CCNH: variants seen among roughly 807,000 people sequenced by gnomAD.
The protein encoded by CCNH is cyclin-H.
In CCNH, 31 loss-of-function variants were observed where a neutral mutation model predicts 41.9. That is an observed-to-expected ratio of 0.74 (90% CI 0.56 to 1.00). The LOEUF (loss-of-function observed/expected upper bound fraction) is 1.00. CCNH is among the 50% of genes least tolerant of loss of function. CCNH has a pLI of 0.00. For missense variants in CCNH, 362 were observed against 388.4 expected (o/e 0.93, Z 0.57); for synonymous variants, 138 against 136.1 (o/e 1.01, Z -0.10).
chr5:87,323,475 G>T (rs955687914), intron 9 of CCNH, among the ~76,000 whole-genome samples: 3 of 152,156 alleles, frequency 2.0e-5, no homozygotes, highest in Non-Finnish European at 4.4e-5. Context: ...GATACCAGAT[G>T]AAAGGACAGA....
intron 9 of CCNH, chr5:87,383,681 A>AAT: frequency 6.8e-7 from 1 of 1,474,422 alleles, no homozygotes; most frequent in Non-Finnish European, 9.2e-7. Context: ...TGTTTTCTAA[A>AAT]AAAAAAAAAA....
intron 7 of CCNH, among the ~76,000 whole-genome samples, chr5:87,397,512 A>G (rs922013331): frequency 1.3e-5 from 2 of 152,202 alleles, no homozygotes; most frequent in Non-Finnish European, 2.9e-5. Flanking sequence ...TGCTGAATCT[A>G]ATAAAACTTG....
chr5:87,344,093 A>T (rs183093251), intron 9 of CCNH, among the ~76,000 whole-genome samples: 3 of 152,310 alleles, frequency 2.0e-5, no homozygotes, highest in Admixed American at 2.0e-4. Context: ...GGGGGATACA[A>T]TATGGCTGAT....
intron 9 of CCNH, chr5:87,385,202 G>A: frequency 1.2e-6 from 1 of 821,326 alleles, no homozygotes; most frequent in South Asian, 1.4e-5. Flanking sequence ...ATGGGTAGTA[G>A]TTTAACAGTA....
intron 9 of CCNH, among the ~76,000 whole-genome samples, chr5:87,368,725 G>T (rs530710390): frequency 1.3e-5 from 2 of 152,182 alleles, no homozygotes; most frequent in African/African-American, 4.8e-5. Context: ...AGCCTTTTAG[G>T]AACTATTTTC....
chr5:87,384,304 T>C (rs537335863), intron 9 of CCNH, among the ~76,000 whole-genome samples: 1 of 152,296 alleles, frequency 6.6e-6, no homozygotes, highest in African/African-American at 2.4e-5. Flanking sequence ...TCCAGTTTTA[T>C]TACCCATATA....
chr5:87,352,499 A>T (rs912423579), intron 9 of CCNH, among the ~76,000 whole-genome samples: 2 of 151,748 alleles, frequency 1.3e-5, no homozygotes, highest in African/African-American at 4.8e-5. Context: ...CTTTATATTT[A>T]AAAAAATACG....
chr5:87,322,060 G>T lies in CCNH; in HGVS notation c.*91-3163C>A, dbSNP rs550816548. On this transcript the variant is annotated intron_variant and NMD_transcript_variant, in intron 9 of 9. Transcript: ENST00000645953. ...TTTAATGAGACCTCCATTGTTGGAA[G>T]TGGGGTCTGGTGGGTGTTTGGATCA... Among the ~76,000 whole-genome samples, 18 of 152,296 alleles carry T rather than the reference G, an allele frequency of 1.2e-4. No individual in the cohort carries two copies. The East Asian group carries it at 1.7e-3, about 15-fold the overall frequency.
chr5:87,314,030 G>A (rs1454972361), downstream of CCNH, among the ~76,000 whole-genome samples: 5 of 152,128 alleles, frequency 3.3e-5, no homozygotes, highest in South Asian at 2.1e-4. Context: ...TGAGCCAGGC[G>A]TGGTGGCACA....
chr5:87,349,212 A>T, intron 9 of CCNH: 1 of 1,611,576 alleles, frequency 6.2e-7, no homozygotes, highest in Non-Finnish European at 8.5e-7. Context: ...TAATTCTTAC[A>T]GTTGGTCAAG....
intron 2 of CCNH, among the ~76,000 whole-genome samples, chr5:87,410,611 G>C (rs1053299863): frequency 2.0e-5 from 3 of 152,024 alleles, no homozygotes; most frequent in Non-Finnish European, 4.4e-5. Flanking sequence ...AGAGAATAAC[G>C]TAACAACATT....
intron 9 of CCNH, among the ~76,000 whole-genome samples, chr5:87,338,692 C>CT (rs1218469210): frequency 4.0e-5 from 6 of 150,084 alleles, no homozygotes; most frequent in East Asian, 1.9e-4. Flanking sequence ...TATTTTTGTT[C>CT]TTTTTTTTGC....
intron 9 of CCNH, among the ~76,000 whole-genome samples, chr5:87,345,316 T>C (rs536711631): frequency 1.6e-4 from 25 of 152,326 alleles, no homozygotes; most frequent in Non-Finnish European, 3.1e-4. Flanking sequence ...TGCTAAATAA[T>C]CTTGTTCATC....
intron 9 of CCNH, among the ~76,000 whole-genome samples, chr5:87,368,876 A>C (rs1441369379): frequency 1.3e-5 from 2 of 152,172 alleles, no homozygotes; most frequent in African/African-American, 4.8e-5. Flanking sequence ...CAGTGCTTTC[A>C]AACAGTTGTT....
intron 9 of CCNH, among the ~76,000 whole-genome samples, chr5:87,335,456 G>A (rs1011575403): frequency 2.0e-5 from 2 of 99,358 alleles, no homozygotes; most frequent in Non-Finnish European, 3.7e-5. Flanking sequence ...TGACAGTTTC[G>A]CTCTTGTCAC....
chr5:87,396,555 G>A (rs920787433), intron 7 of CCNH, among the ~76,000 whole-genome samples: 1 of 152,114 alleles, frequency 6.6e-6, no homozygotes, highest in Non-Finnish European at 1.5e-5. Flanking sequence ...AACCCGGGAG[G>A]CAGAGGTTGC....
At chr5:87,359,849 G>C (rs974756129) in intron 9 of CCNH, among the ~76,000 whole-genome samples, 3 of 152,054 alleles carry the variant, frequency 2.0e-5, no homozygotes, top group Admixed American at 6.5e-5. Flanking sequence ...CCAAATTTTT[G>C]TTCCATGTTT....
intron 9 of CCNH, among the ~76,000 whole-genome samples, chr5:87,350,678 C>T (rs1459042587): frequency 6.6e-6 from 1 of 151,028 alleles, no homozygotes; most frequent in Non-Finnish European, 1.5e-5. Flanking sequence ...AAGTAGATTT[C>T]TGTCCAAATT....
chr5:87,357,901 A>C (rs942990405), intron 9 of CCNH, among the ~76,000 whole-genome samples: 9 of 152,226 alleles, frequency 5.9e-5, no homozygotes, highest in Admixed American at 3.9e-4. Context: ...TGCTGATTAT[A>C]AAGCAATTTG....
Sources: allele counts gnomAD v4.1 joint callset (sites outside exome capture counted in the v4.1 genomes callset), GRCh38; gene constraint gnomAD v4.1.1; transcripts MANE v1.5; gene names NCBI Gene and HGNC (gene_info 2026-07-23, HGNC 2026-07-21).